The following SYCP2L variants were observed in gnomAD, a reference collection of about 807,000 sequenced individuals.
The protein encoded by SYCP2L is synaptonemal complex protein 2 like, also known as synaptonemal complex protein 2-like.
SYCP2L carries 98 observed loss-of-function variants against 125.8 expected under a neutral mutation model. The ratio of observed to expected loss-of-function variants is 0.78; its 90% CI spans 0.66 to 0.92. SYCP2L has a LOEUF of 0.92. Among genes scored for constraint, SYCP2L ranks in the 40% least tolerant of loss-of-function variants. The pLI is 0.00. For missense variants in SYCP2L, 842 were observed against 936.4 expected, an observed-to-expected ratio of 0.90 and a Z score of 1.32; for synonymous variants, 317 against 325.4, an observed-to-expected ratio of 0.97 and a Z score of 0.28.
chr6:10,891,418 ATTTT>A (rs61237589), intron 1 of SYCP2L, 91 bp from the exon 2 acceptor site: 46,715 of 467,230 alleles, frequency 0.1, 1,258 homozygotes, highest in African/African-American at 0.25. Flanking sequence ...CAAACCTTTA[ATTTT>A]TTTTTTTTTT....
chr6:10,961,631 C>T (rs1173917795), intron 28 of SYCP2L, 73 bp downstream of exon 28: 2 of 1,455,182 alleles, frequency 1.4e-6, no homozygotes. Flanking sequence ...AGAGAATGGG[C>T]AGTTGGTGAC....
intron 14 of SYCP2L, among the ~76,000 whole-genome samples, chr6:10,923,417 G>A (rs1347616939): frequency 3.5e-5 from 4 of 115,896 alleles, no homozygotes; most frequent in African/African-American, 1.4e-4. Context: ...ATGGAGGCTT[G>A]CTCTGTCACC....
At chr6:10,971,726 C>T (rs923387395) in intron 29 of SYCP2L, among the ~76,000 whole-genome samples, 1 of 151,926 alleles carries the variant, frequency 6.6e-6, no homozygotes, top group Non-Finnish European at 1.5e-5. Flanking sequence ...CTCTTGTTGC[C>T]GAGGCTGGAG....
intron 14 of SYCP2L, among the ~76,000 whole-genome samples, chr6:10,913,315 T>C (rs1034282782): frequency 6.6e-6 from 1 of 152,106 alleles, no homozygotes; most frequent in African/African-American, 2.4e-5. Context: ...TAGTAAACTG[T>C]GGTTAGTAAG....
rs752044331 is a variant in SYCP2L, at chr6:10,902,862, C to T, written c.553-13C>T. On this transcript the variant is annotated splice_polypyrimidine_tract_variant and intron_variant, in intron 7 of 29. Transcript: ENST00000283141. ...TCTTTCTTCTCCATGAATGTCTTCT[C>T]AATTCCAAAAAGGGCTTGAAGACTT... The T allele has an allele frequency of 2.5e-6, 4 of 1,613,558 alleles. No homozygotes were observed. In the South Asian group the frequency reaches 4.4e-5, roughly 18 times the overall value.
Position 10,926,488 on chromosome 6 carries a change from C to A in SYCP2L, c.1312+56C>A, listed in dbSNP as rs1780899562. The A allele has an allele frequency of 2.1e-6, 3 of 1,402,292 alleles. No individual in the cohort carries two copies. The Admixed American group carries it at 5.2e-5, about 24-fold the overall frequency. 86.9% of individuals were successfully genotyped at this position (1,402,292 alleles called of 1,614,324 possible). A position where few individuals can be genotyped will look rare whatever the true frequency, so the allele number is the denominator to read the frequency against. ...TGAGTTTTCTGTAAAAGCGATGAAA[C>A]CTTAGTTGGAAGAGGTCACTGGAAA... On this transcript the variant is annotated intron_variant, in intron 16 of 29. Coordinates refer to ENST00000283141, the MANE Select transcript of SYCP2L (RefSeq NM_001040274.3).
At chr6:10,971,457 C>CAAAAAAAAAA (rs564161444) in intron 29 of SYCP2L, among the ~76,000 whole-genome samples, 1 of 99,356 alleles carries the variant, frequency 1.0e-5, no homozygotes, top group Non-Finnish European at 2.1e-5. Context: ...GACTCTGTCT[C>CAAAAAAAAAA]AAAAAAAAAA....
chr6:10,923,319 G>T (rs1160305390), intron 14 of SYCP2L, among the ~76,000 whole-genome samples: 2 of 150,220 alleles, frequency 1.3e-5, no homozygotes, highest in African/African-American at 2.5e-5. Flanking sequence ...ATTACAATTT[G>T]TCAGGAAAGG....
intron 29 of SYCP2L, among the ~76,000 whole-genome samples, chr6:10,969,681 T>C (rs1259050280): frequency 6.6e-6 from 1 of 152,116 alleles, no homozygotes; most frequent in East Asian, 1.9e-4. Context: ...ATCTTAAAGA[T>C]GAAATTGGAC....
intron 10 of SYCP2L, among the ~76,000 whole-genome samples, chr6:10,907,950 G>A (rs1472241799): frequency 2.2e-5 from 3 of 133,636 alleles, no homozygotes; most frequent in Non-Finnish European, 4.6e-5. Flanking sequence ...GTATAGTGGC[G>A]CAATCTCAGC....
chr6:10,962,838 A>T (rs761377285), intron 28 of SYCP2L, among the ~76,000 whole-genome samples: 18 of 152,206 alleles, frequency 1.2e-4, no homozygotes, highest in Admixed American at 1.3e-4. Flanking sequence ...TGAGTCATGT[A>T]GCCTATGGGA....
chr6:10,967,454 G>GGTGTGTGTGTGTGT lies in SYCP2L; in HGVS notation c.*37+3640_*37+3653dup, dbSNP rs3066151. Among the ~76,000 whole-genome samples, 331 of 138,914 alleles carry GGTGTGTGTGTGTGT rather than the reference G, an allele frequency of 2.4e-3. 1 individual carries two copies. Among genetic ancestry groups the GGTGTGTGTGTGTGT allele is most frequent in the East Asian group, 7.6e-3 (36 of 4,710 alleles). 91.1% of individuals were successfully genotyped at this position (138,914 alleles called of 152,430 possible). A position where few individuals can be genotyped will look rare whatever the true frequency, so the allele number is the denominator to read the frequency against. On this transcript the variant is annotated intron_variant, in intron 29 of 29. Transcript: ENST00000283141. ...TATTAGTTATGTGTATGGGGTAGAGGGTGTGTGTGTGTGTGTGTGTGTGTG... is the reference window on the plus strand; with the variant it reads ...TATTAGTTATGTGTATGGGGTAGAGGGTGTGTGTGTGTGTGTGTGTGTGTGTGTGTGTGTGTGTG...
At chr6:10,960,434 G>T (rs190448378) in intron 26 of SYCP2L, among the ~76,000 whole-genome samples, 1 of 152,118 alleles carries the variant, frequency 6.6e-6, no homozygotes, top group Non-Finnish European at 1.5e-5. Flanking sequence ...CCTGTGCTTG[G>T]TATGAGAGTG....
chr6:10,931,615 A>G (rs1011894221), intron 20 of SYCP2L, 126 bp downstream of exon 20: 8 of 907,454 alleles, frequency 8.8e-6, no homozygotes, highest in Admixed American at 2.4e-5. Context: ...ATCACCGCCA[A>G]TAGAAATTTC....
chr6:10,911,701 G>A (rs921894186), intron 12 of SYCP2L, among the ~76,000 whole-genome samples: 2 of 151,922 alleles, frequency 1.3e-5, no homozygotes, highest in Non-Finnish European at 2.9e-5. Flanking sequence ...ACTTCCATCA[G>A]GGCCCTTACC....
intron 6 of SYCP2L, among the ~76,000 whole-genome samples, chr6:10,901,251 C>T (rs1473848080): frequency 6.6e-6 from 1 of 152,088 alleles, no homozygotes; most frequent in East Asian, 1.9e-4. Flanking sequence ...TATATGACAA[C>T]AAGTTTAATG....
At chr6:10,968,134 GAGA>G (rs1781710845) in intron 29 of SYCP2L, among the ~76,000 whole-genome samples, 1 of 152,180 alleles carries the variant, frequency 6.6e-6, no homozygotes, top group Admixed American at 6.5e-5. Flanking sequence ...GGTAAGCAAG[GAGA>G]AGAAGTGATG....
At chr6:10,923,289 C>T (rs4713064) in intron 14 of SYCP2L, among the ~76,000 whole-genome samples, 75,177 of 151,560 alleles carry the variant, frequency 0.5, 18,925 homozygotes, top group South Asian at 0.53. Context: ...TGGTCTAAGC[C>T]ATTTTCTCTT....
chr6:10,955,367 C>A, intron 24 of SYCP2L, 150 bp downstream of exon 24: 1 of 547,356 alleles, frequency 1.8e-6, no homozygotes, highest in Non-Finnish European at 3.3e-6. Context: ...CTTTTGGAGA[C>A]AAATAAGTTG....
Sources: allele counts gnomAD v4.1 joint callset (sites outside exome capture counted in the v4.1 genomes callset), GRCh38; gene constraint gnomAD v4.1.1; transcripts MANE v1.5; gene names NCBI Gene and HGNC (gene_info 2026-07-23, HGNC 2026-07-21).